TEKT5: variants seen among roughly 807,000 people sequenced by gnomAD.
TEKT5 encodes tektin-5.
Under a neutral mutation model 48.7 loss-of-function variants are expected in TEKT5, and 52 were observed. The ratio of observed to expected loss-of-function variants is 1.07; its 90% CI spans 0.86 to 1.35. The LOEUF (loss-of-function observed/expected upper bound fraction) is 1.35. TEKT5 is among the 40% of genes most tolerant of loss of function. TEKT5 has a pLI of 0.00. For synonymous variants in TEKT5, 318 were observed against 267.6 expected, an observed-to-expected ratio of 1.19 and a Z score of -1.84; for missense variants, 831 against 641.6, an observed-to-expected ratio of 1.30 and a Z score of -3.19.
intron 5 of TEKT5, among the ~76,000 whole-genome samples, chr16:10,636,821 A>ATTATTATTG (rs1324009619): frequency 1.3e-5 from 2 of 150,306 alleles, no homozygotes; most frequent in Non-Finnish European, 3.0e-5. Context: ...CATTATTATT[A>ATTATTATTG]TTATTATTAT....
intron 1 of TEKT5, chr16:10,691,323 TCAAA>T (rs1042645828): frequency 1.3e-5 from 2 of 152,324 alleles, no homozygotes; most frequent in Admixed American, 1.3e-4. Flanking sequence ...AGACCCTGTC[TCAAA>T]CAACATCAAC....
In TEKT5 at chr16:10,635,806, C is replaced by T. The variant is rs143414845; in HGVS notation, c.1199G>A (p.Arg400Gln). ...CCTGCACAGCTCCATGTTGGGGCGCCGGGTCCGGCACTCCAGCCTTGTCTG... is the reference window on the plus strand; with the variant it reads ...CCTGCACAGCTCCATGTTGGGGCGCTGGGTCCGGCACTCCAGCCTTGTCTG... ...VAQTRLECRT[R>Q]RPNMELCRDI... The change falls in exon 6 of 7, where the codon CGG (arginine) becomes CAG (glutamine). Residue 400 changes from arginine to glutamine, a missense_variant. Coordinates refer to ENST00000283025, the MANE Select transcript of TEKT5 (RefSeq NM_144674.2). 56 of 1,614,042 alleles carry T rather than the reference C, an allele frequency of 3.5e-5. 1 individual carries two copies. In the East Asian group the frequency reaches 7.6e-4, roughly 22 times the overall value.
intron 3 of TEKT5, among the ~76,000 whole-genome samples, chr16:10,687,409 GGCCT>G (rs1345284176): frequency 6.6e-6 from 1 of 152,158 alleles, no homozygotes; most frequent in Non-Finnish European, 1.5e-5. Context: ...CAAAGACACT[GGCCT>G]GTCCCAATTC....
intron 5 of TEKT5, among the ~76,000 whole-genome samples, chr16:10,673,125 T>C (rs186750097): frequency 6.6e-6 from 1 of 152,248 alleles, no homozygotes; most frequent in East Asian, 1.9e-4. Flanking sequence ...AGATATGAGA[T>C]GGAAGGAGCA....
intron 4 of TEKT5, 144 bp downstream of exon 4, chr16:10,681,849 C>G: frequency 8.9e-7 from 1 of 1,123,150 alleles, no homozygotes; most frequent in Non-Finnish European, 1.3e-6. Context: ...TGGATTCTGC[C>G]GCCTGCGCTA....
At chr16:10,657,375 G>A (rs977677824) in intron 5 of TEKT5, among the ~76,000 whole-genome samples, 2 of 151,918 alleles carry the variant, frequency 1.3e-5, no homozygotes, top group Non-Finnish European at 2.9e-5. Context: ...TGATGCACCC[G>A]CCTTGGCCTT....
chr16:10,669,537 G>C (rs1436887546), intron 5 of TEKT5, among the ~76,000 whole-genome samples: 1 of 152,164 alleles, frequency 6.6e-6, no homozygotes, highest in Non-Finnish European at 1.5e-5. Flanking sequence ...GAGATGGTCA[G>C]AAGCAATGAA....
intron 5 of TEKT5, among the ~76,000 whole-genome samples, chr16:10,651,440 G>A (rs963210061): frequency 6.6e-6 from 1 of 152,258 alleles, no homozygotes; most frequent in African/African-American, 2.4e-5. Flanking sequence ...GAGGGGTTTT[G>A]GTCTGTTTTG....
At chr16:10,639,240 A>C (rs11486391) in intron 5 of TEKT5, among the ~76,000 whole-genome samples, 23,068 of 152,094 alleles carry the variant, frequency 0.15, 1,884 homozygotes, top group South Asian at 0.18. Flanking sequence ...CCAGGAGTTC[A>C]AGGTTGCAGT....
At chr16:10,690,158 T>A in intron 1 of TEKT5, 133 bp from the exon 2 acceptor site, 1 of 822,382 alleles carries the variant, frequency 1.2e-6, no homozygotes, top group Non-Finnish European at 1.9e-6. Flanking sequence ...GTGACCTCAC[T>A]ACTGGGCATT....
chr16:10,639,725 T>C (rs557187756), intron 5 of TEKT5, among the ~76,000 whole-genome samples: 3 of 152,262 alleles, frequency 2.0e-5, no homozygotes, highest in African/African-American at 7.2e-5. Flanking sequence ...ACAAATCACA[T>C]CTCTGGCATA....
At chr16:10,647,076 C>T (rs948516126) in intron 5 of TEKT5, among the ~76,000 whole-genome samples, 5 of 152,116 alleles carry the variant, frequency 3.3e-5, no homozygotes, top group African/African-American at 1.2e-4. Flanking sequence ...CCAGTGTTTG[C>T]CCTGTCATGG....
At chr16:10,681,593 G>C (rs1472007222) in intron 4 of TEKT5, among the ~76,000 whole-genome samples, 2 of 144,044 alleles carry the variant, frequency 1.4e-5, no homozygotes, top group Non-Finnish European at 3.0e-5. Flanking sequence ...ACTTGTTTCG[G>C]AATTTTTTTT....
intron 5 of TEKT5, among the ~76,000 whole-genome samples, chr16:10,668,374 T>A (rs1167361229): frequency 6.6e-6 from 1 of 152,130 alleles, no homozygotes; most frequent in Admixed American, 6.5e-5. Context: ...TGCAGTGGTG[T>A]CTCATGAGGA....
intron 5 of TEKT5, among the ~76,000 whole-genome samples, chr16:10,663,805 G>C (rs1898413959): frequency 6.6e-6 from 1 of 152,192 alleles, no homozygotes; most frequent in Non-Finnish European, 1.5e-5. Flanking sequence ...CCAGATATTG[G>C]CAAATGCCAG....
intron 5 of TEKT5, among the ~76,000 whole-genome samples, chr16:10,671,110 G>T (rs1234543101): frequency 6.6e-6 from 1 of 152,136 alleles, no homozygotes; most frequent in East Asian, 1.9e-4. Flanking sequence ...AATACTTACA[G>T]TTACCTTTTT....
intron 5 of TEKT5, among the ~76,000 whole-genome samples, chr16:10,673,580 C>G (rs905508689): frequency 6.6e-6 from 1 of 151,860 alleles, no homozygotes; most frequent in Non-Finnish European, 1.5e-5. Flanking sequence ...GTCACCACCA[C>G]AGCACAGGCA....
intron 5 of TEKT5, among the ~76,000 whole-genome samples, chr16:10,675,627 T>C (rs576941130): frequency 6.6e-6 from 1 of 152,158 alleles, no homozygotes. Context: ...GCAGAGACTA[T>C]GGTGTGCCGG....
At chr16:10,639,855 T>G (rs1897965477) in intron 5 of TEKT5, among the ~76,000 whole-genome samples, 1 of 152,150 alleles carries the variant, frequency 6.6e-6, no homozygotes, top group Non-Finnish European at 1.5e-5. Context: ...ACCTGTCCCC[T>G]TCTGTGTCCC....
Sources: allele counts gnomAD v4.1 joint callset (sites outside exome capture counted in the v4.1 genomes callset), GRCh38; gene constraint gnomAD v4.1.1; transcripts MANE v1.5; gene names NCBI Gene and HGNC (gene_info 2026-07-23, HGNC 2026-07-21).